Variants in FOXP1 observed in about 807,000 individuals in gnomAD.
The protein encoded by FOXP1 is forkhead box P1.
FOXP1 carries 15 observed loss-of-function variants against 98.2 expected under a neutral mutation model. That is an observed-to-expected ratio of 0.15 (90% confidence interval 0.10 to 0.24). The LOEUF is 0.24. Among genes scored for constraint, FOXP1 ranks in the 10% least tolerant of loss-of-function variants. FOXP1 has a pLI of 1.00. For synonymous variants in FOXP1, 371 were observed against 314.5 expected (o/e 1.18, Z -1.90); for missense variants, 633 against 848.5 (o/e 0.75, Z 3.15).
chr3:71,125,258 A>G (rs1403696303), intron 6 of FOXP1, among the ~76,000 whole-genome samples: 1 of 152,228 alleles, frequency 6.6e-6, no homozygotes, highest in African/African-American at 2.4e-5. Context: ...TTATATAAAC[A>G]GAAAGTTTAT....
At chr3:71,580,652 T>A (rs911902846) in intron 2 of FOXP1, among the ~76,000 whole-genome samples, 10 of 151,888 alleles carry the variant, frequency 6.6e-5, no homozygotes, top group African/African-American at 2.4e-4. Flanking sequence ...CCCTCCAAAT[T>A]GATTCTTGCT....
chr3:71,130,465 C>CA (rs775611416), intron 6 of FOXP1: 36 of 1,593,400 alleles, frequency 2.3e-5, no homozygotes, highest in Non-Finnish European at 2.7e-5. Flanking sequence ...TTTAACCCAG[C>CA]AAAAAAATGT....
chr3:71,512,522 C>G (rs1160858590), intron 2 of FOXP1, among the ~76,000 whole-genome samples: 1 of 152,212 alleles, frequency 6.6e-6, no homozygotes, highest in Non-Finnish European at 1.5e-5. Flanking sequence ...TCCCCCATCA[C>G]AACACACTTA....
intron 3 of FOXP1, among the ~76,000 whole-genome samples, chr3:71,389,447 G>A (rs1394807861): frequency 6.6e-6 from 1 of 152,016 alleles, no homozygotes; most frequent in Non-Finnish European, 1.5e-5. Context: ...GTTGCAGTAA[G>A]GGTTACCTGA....
At chr3:71,381,972 C>T (rs1018345730) in intron 3 of FOXP1, among the ~76,000 whole-genome samples, 4 of 151,518 alleles carry the variant, frequency 2.6e-5, no homozygotes, top group African/African-American at 9.8e-5. Context: ...ACTGAATTAA[C>T]ATTAGCCTTT....
intron 6 of FOXP1, among the ~76,000 whole-genome samples, chr3:71,126,527 A>G (rs1325431112): frequency 1.3e-5 from 2 of 151,772 alleles, no homozygotes; most frequent in Non-Finnish European, 2.9e-5. Context: ...AAAGAAAAGA[A>G]AAGAAATTTT....
At chr3:71,578,320 C>A (rs1213187872) in intron 2 of FOXP1, among the ~76,000 whole-genome samples, 1 of 152,132 alleles carries the variant, frequency 6.6e-6, no homozygotes, top group Non-Finnish European at 1.5e-5. Flanking sequence ...CTTAAAGTAA[C>A]AGAATCATAA....
At chr3:71,230,236 A>G (rs946154107) in intron 5 of FOXP1, among the ~76,000 whole-genome samples, 6 of 152,230 alleles carry the variant, frequency 3.9e-5, no homozygotes, top group South Asian at 2.1e-4. Context: ...CAAACTGTGT[A>G]GCTTTTCAAA....
At chr3:71,328,834 G>T (rs2076085291) in intron 4 of FOXP1, among the ~76,000 whole-genome samples, 1 of 151,912 alleles carries the variant, frequency 6.6e-6, no homozygotes, top group Admixed American at 6.6e-5. Context: ...TAGCCGACGT[G>T]GTGGTGCATG....
At chr3:71,434,683 G>C (rs1310152818) in intron 3 of FOXP1, among the ~76,000 whole-genome samples, 2 of 151,120 alleles carry the variant, frequency 1.3e-5, no homozygotes, top group Admixed American at 6.6e-5. Flanking sequence ...GGGATGGAGG[G>C]AGGTGAGGAG....
At chr3:71,268,558 A>AAAGTTATCAGGC (rs11276037) in intron 5 of FOXP1, among the ~76,000 whole-genome samples, 28,127 of 152,048 alleles carry the variant, frequency 0.18, 3,889 homozygotes, top group East Asian at 0.46. Flanking sequence ...ACTTTGAGAA[A>AAAGTTATCAGGC]AACAACCAAC....
At chr3:71,054,987 C>T (rs996099241) in intron 7 of FOXP1, among the ~76,000 whole-genome samples, 3 of 151,736 alleles carry the variant, frequency 2.0e-5, no homozygotes, top group Admixed American at 1.3e-4. Flanking sequence ...AAAAAAAATC[C>T]GGCAGACAAT....
chr3:71,373,774 G>C lies in FOXP1; in HGVS notation c.-167-14530C>G, dbSNP rs138671404. On this transcript the variant is annotated intron_variant, in intron 3 of 20. Transcript: ENST00000649528. ...TGAGCCTATGAATGTTTCTGGACAC[G>C]CATCTTAGGTGGAAAGACACAAAGA... Among the ~76,000 whole-genome samples, 136 of 152,196 alleles carry C rather than the reference G, an allele frequency of 8.9e-4. 1 individual carries two copies. The highest frequency in any genetic ancestry group is 3.0e-3 in the African/African-American group (124 of 41,530).
intron 5 of FOXP1, among the ~76,000 whole-genome samples, chr3:71,243,315 G>A (rs961732604): frequency 1.3e-5 from 2 of 152,146 alleles, no homozygotes; most frequent in African/African-American, 2.4e-5. Flanking sequence ...ATTTTTCAAA[G>A]AGCTTCACCT....
intron 3 of FOXP1, among the ~76,000 whole-genome samples, chr3:71,364,125 C>A (rs999336223): frequency 5.9e-5 from 9 of 152,190 alleles, no homozygotes; most frequent in African/African-American, 1.9e-4. Flanking sequence ...CGGCTAATTT[C>A]AAAAATTTCA....
intron 5 of FOXP1, among the ~76,000 whole-genome samples, chr3:71,257,585 C>CAAAAAAAAAA (rs11337315): frequency 1.4e-5 from 1 of 71,726 alleles, no homozygotes. Context: ...AACTCCATCT[C>CAAAAAAAAAA]AAAAAAAAAA....
intron 6 of FOXP1, among the ~76,000 whole-genome samples, chr3:71,134,099 AC>A (rs145988656): frequency 0.083 from 12,560 of 152,062 alleles, 1,788 homozygotes; most frequent in African/African-American, 0.29. Flanking sequence ...TTGAGCCCAA[AC>A]CCGCTCACAC....
intron 6 of FOXP1, among the ~76,000 whole-genome samples, chr3:71,173,383 TCACACACACACACACACACACACA>T (rs3064895): frequency 7.0e-6 from 1 of 143,204 alleles, no homozygotes; most frequent in South Asian, 2.3e-4. Flanking sequence ...AAGAAAAAAT[TCACACACACACACACACACACACA>T]CACACACACA....
At chr3:71,496,128 T>A (rs1338124632) in intron 2 of FOXP1, among the ~76,000 whole-genome samples, 3 of 152,234 alleles carry the variant, frequency 2.0e-5, no homozygotes, top group Non-Finnish European at 4.4e-5. Flanking sequence ...GCTAACTTTT[T>A]AAATAAGTTA....
Sources: gnomAD v4.1 joint callset for allele counts (sites outside exome capture counted in the v4.1 genomes callset) on GRCh38, gnomAD v4.1.1 for gene constraint, MANE v1.5 for transcripts, NCBI Gene and HGNC (gene_info 2026-07-23, HGNC 2026-07-21) for gene names.